TNFSF4: variants seen among roughly 807,000 people sequenced by gnomAD.
The protein encoded by TNFSF4 is TNF superfamily member 4, also known as tumor necrosis factor ligand superfamily member 4.
TNFSF4 carries 4 observed loss-of-function variants against 7.3 expected under a neutral mutation model. The ratio of observed to expected loss-of-function variants is 0.55; its 90% confidence interval spans 0.27 to 1.25. The LOEUF is 1.25. TNFSF4 is among the 50% of genes most tolerant of loss of function. The pLI, the probability that TNFSF4 is intolerant of heterozygous loss-of-function variation, is 0.12. For synonymous variants in TNFSF4, 76 were observed against 83.7 expected, an observed-to-expected ratio of 0.91 and a Z score of 0.50; for missense variants, 181 against 208.8, an observed-to-expected ratio of 0.87 and a Z score of 0.82.
the TNFSF4 span, among the ~76,000 whole-genome samples, chr1:173,377,502 G>A: frequency 2.6e-5 from 4 of 152,326 alleles, no homozygotes; most frequent in East Asian, 1.9e-4. Context: ...TCAAAGTCAC[G>A]ACGCCCAAGC....
chr1:173,243,629 A>C, the TNFSF4 span, among the ~76,000 whole-genome samples: 3 of 152,342 alleles, frequency 2.0e-5, no homozygotes, highest in East Asian at 5.8e-4. Flanking sequence ...TCCACCTGGC[A>C]AAAACCTTAG....
At chr1:173,440,118 T>A in the TNFSF4 span, among the ~76,000 whole-genome samples, 1 of 152,202 alleles carries the variant, frequency 6.6e-6, no homozygotes, top group East Asian at 1.9e-4. Flanking sequence ...TAGGGCCTGG[T>A]TGGAGCTAAC....
intron 1 of TNFSF4, among the ~76,000 whole-genome samples, chr1:173,199,074 T>C (rs1232277818): frequency 6.6e-6 from 1 of 152,232 alleles, no homozygotes; most frequent in Non-Finnish European, 1.5e-5. Context: ...AACTTCTTAC[T>C]GAAGAACCGT....
At chr1:173,349,619 A>G in the TNFSF4 span, among the ~76,000 whole-genome samples, 1 of 152,178 alleles carries the variant, frequency 6.6e-6, no homozygotes, top group South Asian at 2.1e-4. Context: ...GGTTAAACTC[A>G]AAAGACTCTA....
chr1:173,280,030 C>T, the TNFSF4 span, among the ~76,000 whole-genome samples: 5 of 152,124 alleles, frequency 3.3e-5, no homozygotes, highest in Non-Finnish European at 7.4e-5. Context: ...AAATGCCTCA[C>T]TTTTTCAGTC....
chr1:173,436,982 C>T, the TNFSF4 span, among the ~76,000 whole-genome samples: 7 of 152,102 alleles, frequency 4.6e-5, no homozygotes, highest in Admixed American at 1.3e-4. Context: ...CTTTGTTGGC[C>T]TGAGGGCTTT....
intron 1 of TNFSF4, chr1:173,205,212 C>A: frequency 7.2e-7 from 1 of 1,396,492 alleles, no homozygotes; most frequent in South Asian, 1.3e-5. Flanking sequence ...GTAGACAGGG[C>A]ATGTTTCTTA....
chr1:173,188,511 C>G lies in TNFSF4; in HGVS notation c.202+10G>C. On this transcript the variant is annotated intron_variant, in intron 2 of 2. Transcript: ENST00000281834. ...AAATATGAATCAATTAAACTTTTGA[C>G]AATACTTACCGGTAAATTGTACTTT... is the stretch of plus-strand genomic sequence containing the variant. 6.2e-7 allele frequency: 1 copy of G among 1,601,830 alleles called. No homozygotes were observed. Among genetic ancestry groups the G allele is most frequent in the Non-Finnish European group, 8.5e-7 (1 of 1,170,036 alleles).
At chr1:173,395,293 C>G in the TNFSF4 span, among the ~76,000 whole-genome samples, 7,714 of 145,252 alleles carry the variant, frequency 0.053, 395 homozygotes, top group East Asian at 0.29. Flanking sequence ...CATACTCTGG[C>G]AATAGAGATA....
At chr1:173,284,248 G>A in the TNFSF4 span, among the ~76,000 whole-genome samples, 2 of 152,154 alleles carry the variant, frequency 1.3e-5, no homozygotes, top group African/African-American at 4.8e-5. Flanking sequence ...CATGGTTCCT[G>A]AAGACCTCCA....
chr1:173,214,950 C>T, the TNFSF4 span, among the ~76,000 whole-genome samples: 16 of 152,182 alleles, frequency 1.1e-4, no homozygotes, highest in Non-Finnish European at 2.4e-4. Flanking sequence ...TACCAGACCA[C>T]TCAATTGCTG....
At chr1:173,208,874 T>G (rs1650286744), upstream of TNFSF4, among the ~76,000 whole-genome samples, 1 of 149,690 alleles carries the variant, frequency 6.7e-6, no homozygotes, top group South Asian at 2.1e-4. Flanking sequence ...CCATAAATAC[T>G]ATTGGAAACT....
At chr1:173,409,978 T>A in the TNFSF4 span, among the ~76,000 whole-genome samples, 1 of 152,162 alleles carries the variant, frequency 6.6e-6, no homozygotes, top group Non-Finnish European at 1.5e-5. Context: ...TTAAATTTTT[T>A]AAAAAACCAG....
chr1:173,223,230 G>C, the TNFSF4 span, among the ~76,000 whole-genome samples: 1 of 152,142 alleles, frequency 6.6e-6, no homozygotes, highest in East Asian at 1.9e-4. Context: ...GAGAGGATGA[G>C]ATAATGCATG....
At chr1:173,332,774 G>A in the TNFSF4 span, among the ~76,000 whole-genome samples, 1 of 150,876 alleles carries the variant, frequency 6.6e-6, no homozygotes, top group Non-Finnish European at 1.5e-5. Flanking sequence ...AGAATCACTT[G>A]AACCCGGGAG....
the TNFSF4 span, among the ~76,000 whole-genome samples, chr1:173,408,606 T>C: frequency 2.0e-5 from 3 of 152,080 alleles, no homozygotes; most frequent in Non-Finnish European, 4.4e-5. Context: ...GTTTTTTTTT[T>C]CTTTTGAGAC....
chr1:173,277,509 A>C, the TNFSF4 span, among the ~76,000 whole-genome samples: 1 of 152,150 alleles, frequency 6.6e-6, no homozygotes, highest in African/African-American at 2.4e-5. Flanking sequence ...AAGGAGGAAT[A>C]GACACTGTCA....
chr1:173,396,430 A>T, the TNFSF4 span, among the ~76,000 whole-genome samples: 1 of 152,128 alleles, frequency 6.6e-6, no homozygotes, highest in African/African-American at 2.4e-5. Context: ...GGATTAACTG[A>T]GCCTAGGAGG....
the TNFSF4 span, among the ~76,000 whole-genome samples, chr1:173,308,281 C>CTGTGTG: frequency 7.2e-6 from 1 of 138,672 alleles, no homozygotes; most frequent in Admixed American, 7.1e-5. Flanking sequence ...CTCTCTCTCT[C>CTGTGTG]TCTCTGTGTG....
Sources: gnomAD v4.1 joint callset for allele counts (sites outside exome capture counted in the v4.1 genomes callset) on GRCh38, gnomAD v4.1.1 for gene constraint, MANE v1.5 for transcripts, NCBI Gene and HGNC (gene_info 2026-07-23, HGNC 2026-07-21) for gene names.